SGCD: variants seen among roughly 807,000 people sequenced by gnomAD.
The protein encoded by SGCD is delta-sarcoglycan.
SGCD carries 18 observed loss-of-function variants against 36.6 expected under a neutral mutation model. That is an observed-to-expected ratio of 0.49 (90% CI 0.34 to 0.73). SGCD has a LOEUF of 0.73. Among genes scored for constraint, SGCD ranks in the 30% least tolerant of loss-of-function variants. The probability of loss-of-function intolerance (pLI) is 0.01; values close to 1 mark genes in which losing one functional copy is unlikely to be tolerated. For missense variants in SGCD, 387 were observed against 346.7 expected, an observed-to-expected ratio of 1.12 and a Z score of -0.92; for synonymous variants, 133 against 130.6, an observed-to-expected ratio of 1.02 and a Z score of -0.12.
intron 3 of SGCD, among the ~76,000 whole-genome samples, chr5:156,132,355 G>T (rs1366611319): frequency 2.0e-5 from 3 of 151,356 alleles, no homozygotes; most frequent in Non-Finnish European, 4.4e-5. Context: ...TATTCATGTG[G>T]ATCACTTTTG....
At chr5:155,931,387 C>T (rs558347551) in intron 1 of SGCD, among the ~76,000 whole-genome samples, 1 of 152,206 alleles carries the variant, frequency 6.6e-6, no homozygotes, top group African/African-American at 2.4e-5. Context: ...TTTATTTTAA[C>T]ATCAGAAGCA....
At chr5:155,771,402 T>A in the SGCD span, among the ~76,000 whole-genome samples, 1 of 151,690 alleles carries the variant, frequency 6.6e-6, no homozygotes, top group Non-Finnish European at 1.5e-5. Context: ...GTATGCACCA[T>A]CATGCCTGGC....
At chr5:155,733,938 A>G in the SGCD span, among the ~76,000 whole-genome samples, 4 of 151,914 alleles carry the variant, frequency 2.6e-5, no homozygotes, top group Admixed American at 6.6e-5. Flanking sequence ...GTCAGCTAGC[A>G]TTTTTACTGC....
chr5:155,941,984 A>T (rs990660268), intron 1 of SGCD, among the ~76,000 whole-genome samples: 6 of 152,206 alleles, frequency 3.9e-5, no homozygotes, highest in Admixed American at 3.9e-4. Flanking sequence ...ATGGCAAAAA[A>T]TGCTCAGATC....
chr5:156,268,204 A>G (rs1766052896), intron 3 of SGCD, among the ~76,000 whole-genome samples: 1 of 152,176 alleles, frequency 6.6e-6, no homozygotes, highest in Admixed American at 6.5e-5. Flanking sequence ...TATGGTGTAT[A>G]TGTATCACAT....
At chr5:156,131,065 A>G (rs2127606207) in intron 3 of SGCD, among the ~76,000 whole-genome samples, 1 of 152,334 alleles carries the variant, frequency 6.6e-6, no homozygotes, top group South Asian at 2.1e-4. Flanking sequence ...TGGTGACATT[A>G]AAGTTAATAG....
At chr5:156,406,944 C>G (rs1281518849) in intron 3 of SGCD, among the ~76,000 whole-genome samples, 5 of 151,464 alleles carry the variant, frequency 3.3e-5, no homozygotes, top group Non-Finnish European at 7.4e-5. Context: ...AGAGCCAGTC[C>G]TAGTCTCAAA....
At chr5:156,447,892 TA>T (rs759591434) in intron 3 of SGCD, among the ~76,000 whole-genome samples, 10 of 152,198 alleles carry the variant, frequency 6.6e-5, no homozygotes, top group Non-Finnish European at 1.2e-4. Context: ...GATTGTATTT[TA>T]TTCTCATTAT....
At chr5:156,564,277 G>C (rs899605669) in intron 4 of SGCD, among the ~76,000 whole-genome samples, 3 of 151,984 alleles carry the variant, frequency 2.0e-5, no homozygotes, top group Middle Eastern at 3.2e-3. Flanking sequence ...GTGAAACCTC[G>C]TCTCTACTAA....
chr5:156,427,752 G>A (rs141012630), intron 3 of SGCD, among the ~76,000 whole-genome samples: 3 of 152,276 alleles, frequency 2.0e-5, no homozygotes, highest in African/African-American at 7.2e-5. Flanking sequence ...ATAAAGGGAT[G>A]CTGGATTTTA....
At chr5:155,848,528 G>A in the SGCD span, among the ~76,000 whole-genome samples, 2 of 152,150 alleles carry the variant, frequency 1.3e-5, no homozygotes, top group African/African-American at 2.4e-5. Context: ...TGTGTGAAAT[G>A]TTCTTTACAA....
chr5:155,919,937 A>G (rs895151666), intron 1 of SGCD, among the ~76,000 whole-genome samples: 5 of 152,178 alleles, frequency 3.3e-5, no homozygotes, highest in African/African-American at 9.7e-5. Context: ...AGGGTGACCA[A>G]TTAGGACCCT....
intron 7 of SGCD, among the ~76,000 whole-genome samples, chr5:156,755,849 C>A (rs1757315429): frequency 6.6e-6 from 1 of 152,126 alleles, no homozygotes. Context: ...TAGGGGGGGA[C>A]AATTCAAGGG....
At chr5:156,398,863 G>T (rs776749733) in intron 3 of SGCD, among the ~76,000 whole-genome samples, 24 of 152,048 alleles carry the variant, frequency 1.6e-4, no homozygotes, top group African/African-American at 5.8e-4. Flanking sequence ...TGTCTAATAT[G>T]GTAGGCACTA....
At chr5:156,419,148 A>C (rs1328752471) in intron 3 of SGCD, among the ~76,000 whole-genome samples, 4 of 152,192 alleles carry the variant, frequency 2.6e-5, no homozygotes, top group Non-Finnish European at 5.9e-5. Context: ...GGCTATGAAG[A>C]AATTATATAT....
At chr5:156,228,980 T>C (rs1456944981) in intron 3 of SGCD, among the ~76,000 whole-genome samples, 1 of 150,448 alleles carries the variant, frequency 6.6e-6, no homozygotes, top group Non-Finnish European at 1.5e-5. Context: ...ACCCTTAGAG[T>C]AGGCACAGTC....
intron 3 of SGCD, among the ~76,000 whole-genome samples, chr5:156,377,331 C>T: frequency 6.6e-6 from 1 of 152,184 alleles, no homozygotes; most frequent in East Asian, 1.9e-4. Context: ...AATGGATGCC[C>T]AACTCCCATC....
intron 3 of SGCD, among the ~76,000 whole-genome samples, chr5:156,286,434 A>C (rs1178529382): frequency 6.6e-6 from 1 of 152,248 alleles, no homozygotes; most frequent in African/African-American, 2.4e-5. Flanking sequence ...CAAATGTCCA[A>C]CAATGATAGA....
intron 3 of SGCD, among the ~76,000 whole-genome samples, chr5:156,498,495 G>A (rs1277866031): frequency 6.6e-6 from 1 of 152,044 alleles, no homozygotes; most frequent in Non-Finnish European, 1.5e-5. Context: ...TTCATTTCTG[G>A]ACAATACATG....
Sources: allele counts gnomAD v4.1 joint callset (sites outside exome capture counted in the v4.1 genomes callset), GRCh38; gene constraint gnomAD v4.1.1; transcripts MANE v1.5; gene names NCBI Gene and HGNC (gene_info 2026-07-23, HGNC 2026-07-21).